CELF4: variants seen among roughly 807,000 people sequenced by gnomAD.
CELF4 encodes CUG-BP- and ETR-3-like factor 4.
In CELF4, 18 loss-of-function variants were observed where a neutral mutation model predicts 59.9. The ratio of observed to expected loss-of-function variants is 0.30; its 90% CI spans 0.21 to 0.45. CELF4 has a LOEUF of 0.45. Ranked by LOEUF, CELF4 falls within the 20% of genes least tolerant of loss-of-function variation. The probability of loss-of-function intolerance (pLI) is 1.00; values close to 1 mark genes in which losing one functional copy is unlikely to be tolerated. For synonymous variants in CELF4, 261 were observed against 267.1 expected (o/e 0.98, Z 0.22); for missense variants, 456 against 689.0 (o/e 0.66, Z 3.79).
chr18:37,468,033 C>T (rs190556455), intron 2 of CELF4, among the ~76,000 whole-genome samples: 5 of 152,290 alleles, frequency 3.3e-5, no homozygotes, highest in East Asian at 3.9e-4. Flanking sequence ...TCTGTATGTG[C>T]GCAAGTACAT....
chr18:37,506,499 C>G (rs2099938194), intron 1 of CELF4, among the ~76,000 whole-genome samples: 1 of 152,184 alleles, frequency 6.6e-6, no homozygotes. Flanking sequence ...ACAGAGGTGA[C>G]TTCTCAAGAC....
chr18:37,418,081 A>G (rs115412073), intron 2 of CELF4, among the ~76,000 whole-genome samples: 269 of 152,224 alleles, frequency 1.8e-3, no homozygotes, highest in African/African-American at 5.4e-3. Flanking sequence ...TTCAAGGCAA[A>G]AGTGATCTGA....
At chr18:37,334,939 A>T (rs1569565783) in intron 2 of CELF4, among the ~76,000 whole-genome samples, 2 of 151,920 alleles carry the variant, frequency 1.3e-5, no homozygotes, top group East Asian at 3.9e-4. Context: ...TGGCACCGAC[A>T]TTTGCTTTTT....
At chr18:37,553,556 A>G (rs1238454856) in intron 1 of CELF4, among the ~76,000 whole-genome samples, 1 of 152,232 alleles carries the variant, frequency 6.6e-6, no homozygotes, top group Non-Finnish European at 1.5e-5. Context: ...AAATCACACT[A>G]AATCGTAGAC....
intron 3 of CELF4, among the ~76,000 whole-genome samples, chr18:37,299,376 T>G (rs996935018): frequency 1.3e-5 from 2 of 152,188 alleles, no homozygotes; most frequent in African/African-American, 4.8e-5. Flanking sequence ...GAAAAAGGGA[T>G]GGCCAGGGCC....
At chr18:37,393,949 C>T (rs1183961906) in intron 2 of CELF4, among the ~76,000 whole-genome samples, 1 of 151,162 alleles carries the variant, frequency 6.6e-6, no homozygotes, top group Non-Finnish European at 1.5e-5. Flanking sequence ...CCACCTCCTC[C>T]GAGCGGAGCG....
At chr18:37,354,441 G>T (rs1430978727) in intron 2 of CELF4, among the ~76,000 whole-genome samples, 7 of 152,182 alleles carry the variant, frequency 4.6e-5, no homozygotes, top group Non-Finnish European at 1.0e-4. Context: ...GGGTGCCTGG[G>T]AGAACTGAGA....
At chr18:37,392,072 C>G (rs1185184760) in intron 2 of CELF4, among the ~76,000 whole-genome samples, 4 of 152,212 alleles carry the variant, frequency 2.6e-5, no homozygotes, top group Non-Finnish European at 5.9e-5. Flanking sequence ...GGCTGAGAGC[C>G]TCTGCTCCCT....
intron 2 of CELF4, among the ~76,000 whole-genome samples, chr18:37,347,194 G>A (rs1819660831): frequency 6.6e-6 from 1 of 152,068 alleles, no homozygotes; most frequent in African/African-American, 2.4e-5. Context: ...CTGTAAACTT[G>A]ACCAGGAAGA....
intron 1 of CELF4, among the ~76,000 whole-genome samples, chr18:37,501,249 C>T (rs1452568963): frequency 1.3e-5 from 2 of 152,226 alleles, no homozygotes; most frequent in African/African-American, 4.8e-5. Flanking sequence ...CTGGCCTAGC[C>T]ACCTTATCTA....
intron 1 of CELF4, among the ~76,000 whole-genome samples, chr18:37,507,461 C>T (rs1051022080): frequency 3.3e-5 from 5 of 152,232 alleles, no homozygotes; most frequent in Non-Finnish European, 7.3e-5. Flanking sequence ...CTGTTTCAGG[C>T]CAGCACAGTG....
At chr18:37,556,189 C>G (rs935336373) in intron 1 of CELF4, among the ~76,000 whole-genome samples, 8 of 152,128 alleles carry the variant, frequency 5.3e-5, no homozygotes, top group African/African-American at 1.9e-4. Context: ...AATTTACCTG[C>G]CAGGCAAGAG....
intron 2 of CELF4, among the ~76,000 whole-genome samples, chr18:37,340,862 A>G (rs920364647): frequency 9.2e-5 from 14 of 152,234 alleles, no homozygotes; most frequent in African/African-American, 3.4e-4. Flanking sequence ...GCCTCTGCTG[A>G]CTGGAGGCTC....
At chr18:37,281,196 C>A (rs376429616) in intron 3 of CELF4, among the ~76,000 whole-genome samples, 1 of 152,198 alleles carries the variant, frequency 6.6e-6, no homozygotes, top group Non-Finnish European at 1.5e-5. Flanking sequence ...ACCCTAGCCA[C>A]GTGGGAAGCA....
chr18:37,472,246 C>T (rs1170666813), intron 2 of CELF4, among the ~76,000 whole-genome samples: 1 of 152,156 alleles, frequency 6.6e-6, no homozygotes, highest in African/African-American at 2.4e-5. Context: ...GCTCCAGCGT[C>T]CTTATGGACC....
chr18:37,338,895 T>G (rs927060958), intron 2 of CELF4, among the ~76,000 whole-genome samples: 3 of 151,954 alleles, frequency 2.0e-5, no homozygotes, highest in Non-Finnish European at 4.4e-5. Flanking sequence ...GACGTCCTTT[T>G]TCTTCCCTCC....
chr18:37,416,402 A>G (rs1415467323), intron 2 of CELF4, among the ~76,000 whole-genome samples: 2 of 152,118 alleles, frequency 1.3e-5, no homozygotes, highest in South Asian at 2.1e-4. Flanking sequence ...CTAAGCCTCT[A>G]GCTTCCATCC....
intron 1 of CELF4, 148 bp from the exon 2 acceptor site, chr18:37,485,755 G>A: frequency 2.5e-6 from 1 of 404,644 alleles, no homozygotes; most frequent in Non-Finnish European, 4.3e-6. Flanking sequence ...ACTGTTCTCG[G>A]AGCTTCTCTG....
chr18:37,501,290 G>A (rs991378318), intron 1 of CELF4, among the ~76,000 whole-genome samples: 13 of 152,202 alleles, frequency 8.5e-5, no homozygotes, highest in Non-Finnish European at 1.8e-4. Context: ...AGGTTGATGT[G>A]GGAAAGTTCC....
Sources: gnomAD v4.1 joint callset for allele counts (sites outside exome capture counted in the v4.1 genomes callset) on GRCh38, gnomAD v4.1.1 for gene constraint, MANE v1.5 for transcripts, NCBI Gene and HGNC (gene_info 2026-07-23, HGNC 2026-07-21) for gene names.